The following ADAMTS19 variants were observed in gnomAD, a reference collection of about 807,000 sequenced individuals.
ADAMTS19 encodes the protein A disintegrin and metalloproteinase with thrombospondin motifs 19.
A neutral mutation model predicts 153.3 loss-of-function variants in ADAMTS19; 93 were observed. That is an observed-to-expected ratio of 0.61 (90% confidence interval 0.51 to 0.72). The LOEUF (loss-of-function observed/expected upper bound fraction) is 0.72, where lower values mean the gene tolerates loss of function less well. ADAMTS19 is among the 30% of genes least tolerant of loss of function. The pLI is 0.00. For missense variants in ADAMTS19, 1,482 were observed against 1,552.1 expected, an observed-to-expected ratio of 0.95 and a Z score of 0.76; for synonymous variants, 600 against 556.6, an observed-to-expected ratio of 1.08 and a Z score of -1.10.
At chr5:129,489,087 C>T (rs369275969) in intron 2 of ADAMTS19, among the ~76,000 whole-genome samples, 1 of 152,014 alleles carries the variant, frequency 6.6e-6, no homozygotes, top group Non-Finnish European at 1.5e-5. Context: ...GCTATAATTT[C>T]CTGAGATTGC....
chr5:129,627,416 C>G (rs1752098411), intron 10 of ADAMTS19, among the ~76,000 whole-genome samples: 1 of 151,978 alleles, frequency 6.6e-6, no homozygotes, highest in South Asian at 2.1e-4. Context: ...GGAAAACAAC[C>G]TAGGCAATAC....
chr5:129,597,395 T>C (rs1007918180), intron 8 of ADAMTS19, among the ~76,000 whole-genome samples: 27 of 152,212 alleles, frequency 1.8e-4, no homozygotes, highest in African/African-American at 5.8e-4. Flanking sequence ...TACAGAAATA[T>C]AGAGAATTTA....
chr5:129,665,881 CATAT>C (rs3979171), intron 16 of ADAMTS19, among the ~76,000 whole-genome samples: 15,919 of 143,466 alleles, frequency 0.11, 885 homozygotes, highest in Middle Eastern at 0.18. Context: ...GATTTATATT[CATAT>C]ATATATATAT....
chr5:129,502,801 G>T (rs1369999863), intron 2 of ADAMTS19, among the ~76,000 whole-genome samples: 1 of 152,136 alleles, frequency 6.6e-6, no homozygotes, highest in Non-Finnish European at 1.5e-5. Context: ...TTATATATTA[G>T]ACCTTATGTA....
chr5:129,663,476 T>C (rs1753908601), intron 15 of ADAMTS19, among the ~76,000 whole-genome samples: 2 of 152,246 alleles, frequency 1.3e-5, no homozygotes, highest in Admixed American at 1.3e-4. Context: ...TTACCAAAAC[T>C]AGATGATTTC....
chr5:129,637,035 T>C (rs1430479582), intron 10 of ADAMTS19, among the ~76,000 whole-genome samples: 1 of 150,610 alleles, frequency 6.6e-6, no homozygotes, highest in South Asian at 2.1e-4. Context: ...GATTTTTTTT[T>C]CTCTTTTTTG....
At chr5:129,596,495 A>C in intron 7 of ADAMTS19, 64 bp from the exon 8 acceptor site, 1 of 1,089,132 alleles carries the variant, frequency 9.2e-7, no homozygotes, top group Non-Finnish European at 1.3e-6. Context: ...CCTGCTGCTA[A>C]TAACTAGTAT....
At chr5:129,714,076 G>T (rs1188490765) in intron 21 of ADAMTS19, among the ~76,000 whole-genome samples, 1 of 152,190 alleles carries the variant, frequency 6.6e-6, no homozygotes, top group African/African-American at 2.4e-5. Flanking sequence ...GTATTTTGAA[G>T]TCCTTAAAAT....
intron 15 of ADAMTS19, 21 bp from the exon 16 acceptor site, chr5:129,665,478 A>G: frequency 6.4e-7 from 1 of 1,550,534 alleles, no homozygotes; most frequent in Non-Finnish European, 8.8e-7. Context: ...GATTTATTTC[A>G]TGTTTTATTG....
At chr5:129,534,408 G>A (rs545953706) in intron 6 of ADAMTS19, among the ~76,000 whole-genome samples, 1 of 152,082 alleles carries the variant, frequency 6.6e-6, no homozygotes, top group East Asian at 1.9e-4. Context: ...CCAATAACAG[G>A]CTCTGAAATT....
chr5:129,697,899 T>C (rs1755635554), intron 19 of ADAMTS19, among the ~76,000 whole-genome samples: 1 of 152,236 alleles, frequency 6.6e-6, no homozygotes, highest in Admixed American at 6.5e-5. Flanking sequence ...GTTGTTCCAA[T>C]TTGGTGAAAG....
intron 7 of ADAMTS19, among the ~76,000 whole-genome samples, chr5:129,582,739 A>ATTT: frequency 7.1e-6 from 1 of 140,946 alleles, no homozygotes; most frequent in African/African-American, 2.6e-5. Context: ...TGCCCAGCTA[A>ATTT]TTTTTTTTTT....
intron 7 of ADAMTS19, among the ~76,000 whole-genome samples, chr5:129,584,456 G>A (rs894016656): frequency 2.6e-5 from 4 of 152,180 alleles, no homozygotes; most frequent in African/African-American, 7.2e-5. Context: ...CTTCAGAGCC[G>A]CAGGCAGGAA....
chr5:129,594,769 A>G (rs1428457955), intron 7 of ADAMTS19, among the ~76,000 whole-genome samples: 2 of 152,056 alleles, frequency 1.3e-5, no homozygotes, highest in Non-Finnish European at 2.9e-5. Flanking sequence ...TAATAAAAAT[A>G]TGATTTTCTC....
At chr5:129,712,643 A>T (rs1004077162) in intron 21 of ADAMTS19, among the ~76,000 whole-genome samples, 5 of 152,090 alleles carry the variant, frequency 3.3e-5, no homozygotes, top group African/African-American at 1.2e-4. Context: ...ATTTATTGCC[A>T]CTAGATATAC....
intron 7 of ADAMTS19, among the ~76,000 whole-genome samples, chr5:129,582,278 C>T (rs1749553186): frequency 6.6e-6 from 1 of 150,650 alleles, no homozygotes; most frequent in Admixed American, 6.7e-5. Context: ...TCTGGGTGCT[C>T]CTGTATTGGG....
At position 129,670,175 on chromosome 5, in the gene ADAMTS19, G is replaced by A. The variant is rs144152761; in HGVS notation, c.2506+4596G>A. 9.1e-3 allele frequency among the ~76,000 whole-genome samples: 1,385 copies of A among 152,038 alleles called. 12 individuals carry two copies. The highest frequency in any genetic ancestry group is 0.014 in the Non-Finnish European group (972 of 67,938). ...AAGCCACTCTGTATTACATTGTCCTGCTTTATTTTCTGTATTGCATATCCT... is the reference window on the plus strand; with the variant it reads ...AAGCCACTCTGTATTACATTGTCCTACTTTATTTTCTGTATTGCATATCCT... On this transcript the variant is annotated intron_variant, in intron 16 of 22. Coordinates refer to ENST00000274487, the MANE Select transcript of ADAMTS19 (RefSeq NM_133638.6).
At position 129,561,134 on chromosome 5, in the gene ADAMTS19, T is replaced by C. The variant is rs562034336; in HGVS notation, c.1372+9227T>C. Among the ~76,000 whole-genome samples, 8 of 152,336 alleles carry C rather than the reference T, an allele frequency of 5.3e-5. No homozygotes were observed. The East Asian group carries it at 1.5e-3, about 29-fold the overall frequency. On this transcript the variant is annotated intron_variant, in intron 7 of 22. Transcript: ENST00000274487. ...TCATAATTTTTACAAAAATTAGCTA[T>C]ATTATCTAGAACAATAAAAATAGTG...
chr5:129,646,184 G>T (rs773812402), intron 11 of ADAMTS19, among the ~76,000 whole-genome samples: 2 of 152,004 alleles, frequency 1.3e-5, no homozygotes, highest in South Asian at 2.1e-4. Context: ...CACCGCGCCC[G>T]GCCTCCTTTT....
Sources: gnomAD v4.1 joint callset for allele counts (sites outside exome capture counted in the v4.1 genomes callset) on GRCh38, gnomAD v4.1.1 for gene constraint, MANE v1.5 for transcripts, NCBI Gene and HGNC (gene_info 2026-07-23, HGNC 2026-07-21) for gene names.